Variants in CYTH3 observed in about 807,000 individuals in gnomAD.
CYTH3 encodes the protein cytohesin 3.
A neutral mutation model predicts 55.1 loss-of-function variants in CYTH3; 23 were observed. That is an observed-to-expected ratio of 0.42 (90% CI 0.30 to 0.59). The LOEUF (loss-of-function observed/expected upper bound fraction) is 0.59. CYTH3 is among the 20% of genes least tolerant of loss of function. The pLI, the probability that CYTH3 is intolerant of heterozygous loss-of-function variation, is 0.20. For missense variants in CYTH3, 413 were observed against 524.8 expected (o/e 0.79, Z 2.08); for synonymous variants, 249 against 194.9 (o/e 1.28, Z -2.31).
At chr7:6,186,773 G>A (rs987894047) in intron 4 of CYTH3, among the ~76,000 whole-genome samples, 4 of 152,182 alleles carry the variant, frequency 2.6e-5, no homozygotes, top group Non-Finnish European at 5.9e-5. Context: ...AGCCCGGCCT[G>A]TGCTGAGTCG....
intron 1 of CYTH3, among the ~76,000 whole-genome samples, chr7:6,232,191 CA>C (rs1367107217): frequency 1.3e-5 from 2 of 152,144 alleles, no homozygotes; most frequent in Non-Finnish European, 2.9e-5. Flanking sequence ...GACATATGCA[CA>C]ATTCTGGTTA....
intron 1 of CYTH3, among the ~76,000 whole-genome samples, chr7:6,235,033 A>C (rs10262319): frequency 0.38 from 57,131 of 151,732 alleles, 16,325 homozygotes; most frequent in African/African-American, 0.77. Context: ...TCCCACCAAA[A>C]CCTTACTCAC....
Position 6,177,907 on chromosome 7 carries a change from T to C in CYTH3, c.284A>G (p.Gln95Arg). 6.2e-7 allele frequency: 1 copy of C among 1,614,174 alleles called. No homozygotes were observed. The highest frequency in any genetic ancestry group is 8.5e-7 in the Non-Finnish European group (1 of 1,179,980). ...IQFLIENDLL[Q>R]SSPEDVAQFL... ...CTGGGCGACGTCTTCTGGGGAACTC[T>C]GTAGCAGGTCATTTTCTATTAGAAA... The change falls in exon 5 of 13, where the codon CAG (glutamine) becomes CGG (arginine). Residue 95 changes from glutamine to arginine, a missense_variant. By Grantham distance (43) the Gln-to-Arg change is conservative. Transcript: ENST00000350796.
chr7:6,216,552 A>T (rs989704315), intron 1 of CYTH3, among the ~76,000 whole-genome samples: 1 of 151,792 alleles, frequency 6.6e-6, no homozygotes, highest in African/African-American at 2.4e-5. Flanking sequence ...CAGCCTTGTC[A>T]ACACCGCAAG....
In CYTH3 at chr7:6,164,808, G is replaced by T; in HGVS notation, c.*136C>A. The T allele has an allele frequency of 1.0e-6, 1 of 990,088 alleles. No homozygotes were observed. The highest frequency in any genetic ancestry group is 1.6e-6 in the Non-Finnish European group (1 of 640,464). The allele number at this position is 990,088 out of a possible 1,614,324, so 61.3% of individuals were successfully genotyped here. On this transcript the variant is annotated 3_prime_UTR_variant, in exon 13 of 13. Coordinates refer to ENST00000350796, the MANE Select transcript of CYTH3 (RefSeq NM_004227.4). The stretch of plus-strand genomic sequence containing the variant: ...GCACGAGGCCTTGGGGATACCACCT[G>T]GGCCACGGTATGCTCTGGAGCAGCA...
In CYTH3 at chr7:6,182,429, G is replaced by T. The variant is rs574768408; in HGVS notation, c.250-4488C>A. On this transcript the variant is annotated intron_variant, in intron 4 of 12. Transcript: ENST00000350796. ...AGTGGTGTAATCACAGCTCACCGCA[G>T]CCTCAAACTCCTGGGCTGAAGCAAT... Among the ~76,000 whole-genome samples, 6 of 152,296 alleles carry T rather than the reference G, an allele frequency of 3.9e-5. No individual in the cohort carries two copies. The South Asian group carries it at 1.2e-3, about 32-fold the overall frequency.
At position 6,190,434 on chromosome 7, in the gene CYTH3, T is replaced by G. The variant is rs775443341; in HGVS notation, c.117+15A>C. ...ACAGAGTTTTGGATTTTTGGTTTTTTTTTTTTTTTTTTACCTCAATGTCAT... is the reference window on the plus strand; with the variant it reads ...ACAGAGTTTTGGATTTTTGGTTTTTGTTTTTTTTTTTTACCTCAATGTCAT... On this transcript the variant is annotated intron_variant, in intron 2 of 12. Coordinates refer to ENST00000350796, the MANE Select transcript of CYTH3 (RefSeq NM_004227.4). 5.2e-5 allele frequency: 77 copies of G among 1,479,190 alleles called. No homozygotes were observed. The African/African-American group carries it at 7.2e-4, about 14-fold the overall frequency. The allele number at this position is 1,479,190 out of a possible 1,614,324, so 91.6% of individuals were successfully genotyped here.
intron 1 of CYTH3, among the ~76,000 whole-genome samples, chr7:6,262,176 G>A (rs1780368668): frequency 6.6e-6 from 1 of 152,158 alleles, no homozygotes; most frequent in African/African-American, 2.4e-5. Flanking sequence ...AAAGGACACA[G>A]AAAAGAATCT....
intron 1 of CYTH3, among the ~76,000 whole-genome samples, chr7:6,223,153 G>A (rs1249817871): frequency 5.3e-5 from 8 of 152,102 alleles, no homozygotes; most frequent in East Asian, 3.9e-4. Flanking sequence ...CTGCCCGGCC[G>A]CCCCGTCTGG....
chr7:6,219,296 A>G (rs1172886926), intron 1 of CYTH3, among the ~76,000 whole-genome samples: 5 of 152,210 alleles, frequency 3.3e-5, no homozygotes. Context: ...TTCCAAGCAG[A>G]GTGTTAAAGG....
intron 1 of CYTH3, among the ~76,000 whole-genome samples, chr7:6,264,116 G>A (rs546221426): frequency 6.6e-5 from 10 of 151,866 alleles, no homozygotes; most frequent in Admixed American, 1.3e-4. Context: ...GCATGATGGC[G>A]GGCACCTGTA....
chr7:6,234,769 A>C (rs945506574), intron 1 of CYTH3, among the ~76,000 whole-genome samples: 1 of 152,206 alleles, frequency 6.6e-6, no homozygotes, highest in African/African-American at 2.4e-5. Flanking sequence ...CAACCCTTGG[A>C]GTTCTACAGG....
At chr7:6,253,495 C>T (rs1487823435) in intron 1 of CYTH3, among the ~76,000 whole-genome samples, 1 of 152,048 alleles carries the variant, frequency 6.6e-6, no homozygotes, top group African/African-American at 2.4e-5. Context: ...CAGCCTGATC[C>T]ATCGCACCCA....
Position 6,170,720 on chromosome 7 carries a change from G to C in CYTH3, c.712-74C>G. On this transcript the variant is annotated intron_variant, in intron 8 of 12. Transcript: ENST00000350796. This position sits in a 1 kb window ranked among gnomAD's most constrained non-coding sequence, Gnocchi z 7.8. ...GCTGGCCGGGCAGAAAGCTCAGCGG[G>C]ACCAGGGCGGCAAGGAGGCTTGGGA... 1 of 1,571,378 alleles carries C rather than the reference G, an allele frequency of 6.4e-7. No homozygotes were observed.
intron 1 of CYTH3, among the ~76,000 whole-genome samples, chr7:6,255,505 T>C (rs1780074165): frequency 6.6e-6 from 1 of 152,128 alleles, no homozygotes; most frequent in African/African-American, 2.4e-5. Flanking sequence ...TACATAGTTA[T>C]CTCCAGCATG....
chr7:6,225,923 A>G (rs963911621), intron 1 of CYTH3, among the ~76,000 whole-genome samples: 3 of 151,398 alleles, frequency 2.0e-5, no homozygotes, highest in African/African-American at 7.3e-5. Flanking sequence ...TGGGAGCTCA[A>G]GACCACAACG....
At chr7:6,266,550 A>T (rs758393711) in intron 1 of CYTH3, among the ~76,000 whole-genome samples, 19 of 152,140 alleles carry the variant, frequency 1.2e-4, no homozygotes, top group Admixed American at 1.1e-3. Flanking sequence ...GCCCCAGTCT[A>T]TCTCTCCCGC....
At chr7:6,187,004 A>G in intron 4 of CYTH3, 46 bp downstream of exon 4, 1 of 1,582,590 alleles carries the variant, frequency 6.3e-7, no homozygotes, top group South Asian at 1.1e-5. Context: ...GTTCAAATCA[A>G]TTAGTCCATC....
At chr7:6,261,425 G>A (rs1240812549) in intron 1 of CYTH3, among the ~76,000 whole-genome samples, 1 of 152,106 alleles carries the variant, frequency 6.6e-6, no homozygotes, top group East Asian at 1.9e-4. Flanking sequence ...ATTTTAAAGT[G>A]ATATTCCGGC....
Sources: allele counts gnomAD v4.1 joint callset (sites outside exome capture counted in the v4.1 genomes callset), GRCh38; gene constraint gnomAD v4.1.1; non-coding constraint Gnocchi (gnomAD v3.1); transcripts MANE v1.5; gene names NCBI Gene and HGNC (gene_info 2026-07-23, HGNC 2026-07-21).